Variants in ZRANB3 observed in about 807,000 individuals in gnomAD.
ZRANB3 encodes zinc finger RANBP2-type containing 3.
Under a neutral mutation model 133.8 loss-of-function variants are expected in ZRANB3, and 125 were observed. That is an observed-to-expected ratio of 0.93 (90% CI 0.81 to 1.08). The LOEUF (loss-of-function observed/expected upper bound fraction) is 1.08. ZRANB3 is among the 50% of genes least tolerant of loss of function. The pLI is 0.00. For synonymous variants in ZRANB3, 387 were observed against 432.7 expected (o/e 0.89, Z 1.31); for missense variants, 1,229 against 1,275.5 (o/e 0.96, Z 0.56).
chr2:135,405,676 C>G (rs1002935844), intron 2 of ZRANB3, among the ~76,000 whole-genome samples: 4 of 152,190 alleles, frequency 2.6e-5, no homozygotes, highest in Non-Finnish European at 5.9e-5. Context: ...TCACTCAAAT[C>G]CGCTCAACTA....
At chr2:135,505,532 C>G (rs1022794287) in intron 1 of ZRANB3, among the ~76,000 whole-genome samples, 1 of 151,976 alleles carries the variant, frequency 6.6e-6, no homozygotes, top group Admixed American at 6.6e-5. Context: ...CAAGATCATG[C>G]CACTGCGCTC....
intron 12 of ZRANB3, among the ~76,000 whole-genome samples, chr2:135,237,718 A>G (rs949410330): frequency 6.6e-6 from 1 of 151,590 alleles, no homozygotes; most frequent in South Asian, 2.1e-4. Context: ...ACATGTCCTC[A>G]CTCATAGGTG....
At chr2:135,447,218 T>C (rs932178812) in intron 2 of ZRANB3, among the ~76,000 whole-genome samples, 1 of 152,062 alleles carries the variant, frequency 6.6e-6, no homozygotes, top group Non-Finnish European at 1.5e-5. Flanking sequence ...TTTGTATTTT[T>C]AGTAGAGATG....
intron 12 of ZRANB3, among the ~76,000 whole-genome samples, chr2:135,264,453 AG>A (rs1477233409): frequency 2.7e-5 from 4 of 147,854 alleles, no homozygotes; most frequent in Admixed American, 6.8e-5. Context: ...CCAGGGCAAT[AG>A]TGCAAGACTC....
intron 2 of ZRANB3, among the ~76,000 whole-genome samples, chr2:135,472,432 G>A (rs140226810): frequency 0.011 from 1,705 of 151,392 alleles, 26 homozygotes; most frequent in African/African-American, 0.036. Flanking sequence ...CCCGGGAGGC[G>A]GAGCTTGCAG....
At chr2:135,515,775 A>AT (rs1693671667) in intron 1 of ZRANB3, among the ~76,000 whole-genome samples, 3 of 152,166 alleles carry the variant, frequency 2.0e-5, no homozygotes, top group Admixed American at 2.0e-4. Flanking sequence ...GCGGTGGAGA[A>AT]TTCTATAGAC....
chr2:135,301,311 G>A (rs969922623), intron 8 of ZRANB3, among the ~76,000 whole-genome samples: 25 of 151,442 alleles, frequency 1.7e-4, no homozygotes, highest in African/African-American at 4.6e-4. Context: ...CCAGCTTCCC[G>A]AGTAGCTGGG....
intron 3 of ZRANB3, among the ~76,000 whole-genome samples, chr2:135,365,188 A>G (rs574285987): frequency 6.6e-6 from 1 of 152,120 alleles, no homozygotes; most frequent in Admixed American, 6.6e-5. Flanking sequence ...AATTGCTTTA[A>G]CCCAGGAGGC....
rs115504215 is a variant in ZRANB3 at position 135,418,252 on chromosome 2, T to C, written c.162-27432A>G. 2.3e-3 allele frequency among the ~76,000 whole-genome samples: 345 copies of C among 152,316 alleles called. 1 individual carries two copies. The highest frequency in any genetic ancestry group is 7.6e-3 in the African/African-American group (318 of 41,572). ...AATTTAAAGTATATGGGAAGACATA[T>C]GTAGGTTATGTGCAAATACTATGCC... is the stretch of plus-strand genomic sequence containing the variant. On this transcript the variant is annotated intron_variant, in intron 2 of 20. Coordinates refer to ENST00000264159, the MANE Select transcript of ZRANB3 (RefSeq NM_032143.4).
chr2:135,237,420 A>G (rs1287368309), intron 12 of ZRANB3, among the ~76,000 whole-genome samples: 3 of 152,048 alleles, frequency 2.0e-5, no homozygotes, highest in African/African-American at 4.8e-5. Flanking sequence ...ATACTATTTG[A>G]CCCAGCCATC....
At chr2:135,431,323 AAGT>A (rs1689313171) in intron 2 of ZRANB3, among the ~76,000 whole-genome samples, 2 of 150,712 alleles carry the variant, frequency 1.3e-5, no homozygotes, top group African/African-American at 4.9e-5. Flanking sequence ...ATGTAAAAAA[AAGT>A]AGATGATATA....
rs1681172980 is a variant in ZRANB3 at position 135,283,146 on chromosome 2, G to A, written c.967-7391C>T. On this transcript the variant is annotated intron_variant, in intron 8 of 20. Transcript: ENST00000264159. ...CAAAAAATTTAAAAATTAGCCGGGT[G>A]TGGTGGCATGTGCCTATATTCCCAG... is the stretch of plus-strand genomic sequence containing the variant. Among the ~76,000 whole-genome samples the A allele has an allele frequency of 2.6e-5, 4 of 152,024 alleles. No homozygotes were observed. In the South Asian group the frequency reaches 8.3e-4, roughly 32 times the overall value.
intron 12 of ZRANB3, among the ~76,000 whole-genome samples, chr2:135,259,269 G>C (rs1679823306): frequency 6.6e-6 from 1 of 151,982 alleles, no homozygotes; most frequent in South Asian, 2.1e-4. Context: ...GCTCAATGGA[G>C]ACTCAGCCTC....
chr2:135,220,947 C>T (rs1162339263), intron 15 of ZRANB3, among the ~76,000 whole-genome samples: 1 of 150,756 alleles, frequency 6.6e-6, no homozygotes, highest in Non-Finnish European at 1.5e-5. Context: ...ACCTGTACCT[C>T]CCGGGTTCAA....
At chr2:135,507,733 T>C (rs1574224572) in intron 1 of ZRANB3, among the ~76,000 whole-genome samples, 1 of 151,712 alleles carries the variant, frequency 6.6e-6, no homozygotes, top group South Asian at 2.1e-4. Context: ...TGAGGCAGAA[T>C]AGCTTGAGGT....
chr2:135,467,800 C>T (rs887620781), intron 2 of ZRANB3, among the ~76,000 whole-genome samples: 1 of 152,198 alleles, frequency 6.6e-6, no homozygotes, highest in African/African-American at 2.4e-5. Context: ...AACAGCACTC[C>T]AGACCCTCTG....
chr2:135,329,003 G>A (rs934289777), intron 6 of ZRANB3, among the ~76,000 whole-genome samples: 2 of 152,174 alleles, frequency 1.3e-5, no homozygotes, highest in African/African-American at 4.8e-5. Context: ...CTCCCATTTT[G>A]TAGGTTGCCT....
intron 2 of ZRANB3, among the ~76,000 whole-genome samples, chr2:135,406,160 A>AAC (rs1365974831): frequency 6.6e-6 from 1 of 152,236 alleles, no homozygotes; most frequent in Non-Finnish European, 1.5e-5. Context: ...ATCCCACAGA[A>AAC]ACACAAACTA....
intron 2 of ZRANB3, among the ~76,000 whole-genome samples, chr2:135,405,414 G>A (rs1687963880): frequency 6.6e-6 from 1 of 152,108 alleles, no homozygotes; most frequent in African/African-American, 2.4e-5. Context: ...AGATCAACAA[G>A]ACAGAAAGTT....
Sources: allele counts gnomAD v4.1 joint callset (sites outside exome capture counted in the v4.1 genomes callset), GRCh38; gene constraint gnomAD v4.1.1; transcripts MANE v1.5; gene names NCBI Gene and HGNC (gene_info 2026-07-23, HGNC 2026-07-21).